The following CDH12 variants were observed in gnomAD, a reference collection of about 807,000 sequenced individuals.
CDH12 encodes the protein cadherin-12.
Under a neutral mutation model 74.1 loss-of-function variants are expected in CDH12, and 41 were observed. The observed-to-expected ratio is 0.55, with a 90% confidence interval of 0.43 to 0.72. CDH12 has a LOEUF of 0.72. CDH12 is among the 30% of genes least tolerant of loss of function. CDH12 has a pLI of 0.00. For synonymous variants in CDH12, 399 were observed against 355.0 expected, an observed-to-expected ratio of 1.12 and a Z score of -1.39; for missense variants, 945 against 977.2, an observed-to-expected ratio of 0.97 and a Z score of 0.44.
chr5:22,825,265 T>A (rs1026084542), intron 1 of CDH12, among the ~76,000 whole-genome samples: 3 of 151,460 alleles, frequency 2.0e-5, no homozygotes, highest in African/African-American at 4.8e-5. Flanking sequence ...TACATATATA[T>A]ACTTACACAT....
chr5:22,565,367 G>C (rs1447946569), intron 1 of CDH12, among the ~76,000 whole-genome samples: 1 of 151,978 alleles, frequency 6.6e-6, no homozygotes, highest in Non-Finnish European at 1.5e-5. Context: ...CCACCAACAG[G>C]GTAATAAGGT....
At chr5:22,129,107 G>A (rs1746037311) in intron 4 of CDH12, among the ~76,000 whole-genome samples, 1 of 152,156 alleles carries the variant, frequency 6.6e-6, no homozygotes, top group South Asian at 2.1e-4. Flanking sequence ...AAGGAACAAA[G>A]ATTGTCATGA....
chr5:22,624,758 C>G (rs563052707), intron 1 of CDH12, among the ~76,000 whole-genome samples: 1 of 152,274 alleles, frequency 6.6e-6, no homozygotes, highest in East Asian at 1.9e-4. Context: ...GTGGCGATTC[C>G]TCAAGGATCT....
chr5:22,477,142 C>T lies in CDH12; in HGVS notation c.-428+28128G>A, dbSNP rs185706641. 2.2e-3 allele frequency among the ~76,000 whole-genome samples: 334 copies of T among 152,294 alleles called. 2 individuals are homozygous for T. Among genetic ancestry groups the T allele is most frequent in the African/African-American group, 7.7e-3 (318 of 41,560 alleles). The stretch of plus-strand genomic sequence containing the variant: ...AGTGCAGGTTTGTTACATAGGTAAA[C>T]TTGTGTCATGGGGTTTTGTTGTACA... On this transcript the variant is annotated intron_variant, in intron 2 of 14. Transcript: ENST00000382254.
chr5:22,686,327 G>T (rs1024201698), intron 1 of CDH12, among the ~76,000 whole-genome samples: 2 of 151,724 alleles, frequency 1.3e-5, no homozygotes, highest in African/African-American at 2.4e-5. Flanking sequence ...CCATACTATG[G>T]GTTGTCTTTC....
intron 6 of CDH12, among the ~76,000 whole-genome samples, chr5:21,868,174 GC>G (rs1751432088): frequency 7.7e-6 from 1 of 129,098 alleles, no homozygotes; most frequent in African/African-American, 3.6e-5. Flanking sequence ...TTTGTAAATT[GC>G]CTCTTTCTTT....
chr5:21,990,314 G>A (rs971366115), intron 5 of CDH12, among the ~76,000 whole-genome samples: 2 of 152,182 alleles, frequency 1.3e-5, no homozygotes, highest in Middle Eastern at 3.4e-3. Context: ...TTGGCATATA[G>A]GGTGTATACA....
chr5:22,310,188 C>T (rs188655840), intron 3 of CDH12, among the ~76,000 whole-genome samples: 16 of 152,000 alleles, frequency 1.1e-4, no homozygotes, highest in East Asian at 1.9e-4. Context: ...AGGCCAAGCG[C>T]GGTGGTTCAC....
intron 1 of CDH12, among the ~76,000 whole-genome samples, chr5:22,688,119 C>G (rs1034129461): frequency 6.6e-6 from 1 of 151,878 alleles, no homozygotes; most frequent in East Asian, 1.9e-4. Context: ...TACATAGTCC[C>G]GTTTCATTGT....
chr5:22,691,960 A>T (rs561106038), intron 1 of CDH12, among the ~76,000 whole-genome samples: 51 of 152,330 alleles, frequency 3.3e-4, no homozygotes, highest in South Asian at 6.2e-4. Flanking sequence ...TCCCATTAAC[A>T]TAATTACCTA....
intron 1 of CDH12, among the ~76,000 whole-genome samples, chr5:22,639,429 CTTCT>C (rs1236577202): frequency 1.5e-3 from 186 of 125,888 alleles, no homozygotes; most frequent in African/African-American, 5.3e-3. Flanking sequence ...AGCTTTTCTT[CTTCT>C]TTTTTTTTTT....
chr5:22,782,496 T>C (rs1318799320), intron 1 of CDH12, among the ~76,000 whole-genome samples: 1 of 152,162 alleles, frequency 6.6e-6, no homozygotes, highest in Non-Finnish European at 1.5e-5. Flanking sequence ...GTCATAATTG[T>C]AAGTTTCCTG....
chr5:21,934,936 G>A (rs769192314), intron 6 of CDH12, among the ~76,000 whole-genome samples: 10 of 152,062 alleles, frequency 6.6e-5, no homozygotes, highest in Non-Finnish European at 8.8e-5. Flanking sequence ...ACAGGCGCCC[G>A]CCATCACGCC....
chr5:22,454,327 AT>A (rs1745180667), intron 2 of CDH12, among the ~76,000 whole-genome samples: 1 of 152,230 alleles, frequency 6.6e-6, no homozygotes, highest in South Asian at 2.1e-4. Flanking sequence ...CTCTGTGATT[AT>A]TTTAAAAGTG....
At chr5:22,371,926 G>A (rs1299101949) in intron 3 of CDH12, among the ~76,000 whole-genome samples, 2 of 152,122 alleles carry the variant, frequency 1.3e-5, no homozygotes, top group Admixed American at 6.6e-5. Context: ...TCAAAGGTTT[G>A]GAAAACCTTT....
chr5:22,206,389 G>A (rs2150358683), intron 4 of CDH12, among the ~76,000 whole-genome samples: 1 of 152,144 alleles, frequency 6.6e-6, no homozygotes, highest in Admixed American at 6.6e-5. Context: ...GAGTTACCTG[G>A]GAAATTTTTT....
chr5:22,098,533 A>C (rs1370634083), intron 4 of CDH12, among the ~76,000 whole-genome samples: 1 of 152,134 alleles, frequency 6.6e-6, no homozygotes, highest in African/African-American at 2.4e-5. Context: ...AAAAATCACA[A>C]ACTATGCTCA....
chr5:22,240,535 T>C (rs1486954062), intron 3 of CDH12, among the ~76,000 whole-genome samples: 2 of 152,148 alleles, frequency 1.3e-5, no homozygotes, highest in Non-Finnish European at 2.9e-5. Flanking sequence ...TTGAAAGTAA[T>C]TTTATTTACT....
At chr5:22,391,781 CAAAT>C (rs972200359) in intron 3 of CDH12, among the ~76,000 whole-genome samples, 11 of 151,846 alleles carry the variant, frequency 7.2e-5, no homozygotes, top group African/African-American at 2.4e-4. Context: ...ATAAATCAAT[CAAAT>C]AAAACCAATA....
Sources: gnomAD v4.1 joint callset for allele counts (sites outside exome capture counted in the v4.1 genomes callset) on GRCh38, gnomAD v4.1.1 for gene constraint, MANE v1.5 for transcripts, NCBI Gene and HGNC (gene_info 2026-07-23, HGNC 2026-07-21) for gene names.